PEAK1: variants seen among roughly 807,000 people sequenced by gnomAD.
PEAK1 encodes inactive tyrosine-protein kinase PEAK1.
A neutral mutation model predicts 124.7 loss-of-function variants in PEAK1; 54 were observed. That is an observed-to-expected ratio of 0.43 (90% CI 0.35 to 0.54). The LOEUF (loss-of-function observed/expected upper bound fraction) is 0.54, where lower values mean the gene tolerates loss of function less well. Ranked by LOEUF, PEAK1 falls within the 20% of genes least tolerant of loss-of-function variation. The pLI, the probability that PEAK1 is intolerant of heterozygous loss-of-function variation, is 0.01. For synonymous variants in PEAK1, 719 were observed against 760.0 expected (o/e 0.95, Z 0.89); for missense variants, 2,046 against 2,134.5 (o/e 0.96, Z 0.82).
chr15:77,212,927 C>G lies in PEAK1; in HGVS notation c.-114-30887G>C, dbSNP rs2058971801. ...TATATAAAGATCAATGTAATACCTC[C>G]TAAAGTTCAGTGTTAGCAAAAGTGA... On this transcript the variant is annotated intron_variant, in intron 6 of 9. Transcript: ENST00000682557. Among the ~76,000 whole-genome samples the G allele has an allele frequency of 2.0e-5, 3 of 152,058 alleles. No homozygotes were observed. The South Asian group carries it at 6.2e-4, about 32-fold the overall frequency.
chr15:77,163,389 T>C (rs899942462), intron 7 of PEAK1, among the ~76,000 whole-genome samples: 1 of 152,220 alleles, frequency 6.6e-6, no homozygotes, highest in Non-Finnish European at 1.5e-5. Context: ...ACAAATCCCT[T>C]GGAAGGTTGT....
intron 5 of PEAK1, among the ~76,000 whole-genome samples, chr15:77,272,032 A>G (rs1456249719): frequency 2.0e-5 from 3 of 152,212 alleles, no homozygotes; most frequent in Non-Finnish European, 2.9e-5. Context: ...GTCAAAAATG[A>G]AATCAAGATG....
chr15:77,377,587 A>G (rs2069134497), intron 1 of PEAK1, among the ~76,000 whole-genome samples: 1 of 151,770 alleles, frequency 6.6e-6, no homozygotes, highest in Non-Finnish European at 1.5e-5. Flanking sequence ...CTCCTGCCTC[A>G]GCCTTCCAAG....
intron 5 of PEAK1, among the ~76,000 whole-genome samples, chr15:77,254,292 C>T (rs528623220): frequency 6.6e-6 from 1 of 152,156 alleles, no homozygotes; most frequent in Non-Finnish European, 1.5e-5. Context: ...ATTCTCCCTT[C>T]CTCTTGGGGA....
At chr15:77,162,443 A>C (rs2055739098) in intron 7 of PEAK1, among the ~76,000 whole-genome samples, 1 of 149,434 alleles carries the variant, frequency 6.7e-6, no homozygotes, top group Admixed American at 6.7e-5. Context: ...GCAGTGAGCC[A>C]AGATTGTGCC....
At chr15:77,393,090 G>A (rs749718504) in intron 1 of PEAK1, among the ~76,000 whole-genome samples, 1 of 152,222 alleles carries the variant, frequency 6.6e-6, no homozygotes, top group Non-Finnish European at 1.5e-5. Context: ...GCCCTAGCCA[G>A]AGGAGAATTG....
At chr15:77,136,291 T>A (rs1016078211) in intron 8 of PEAK1, among the ~76,000 whole-genome samples, 1 of 152,208 alleles carries the variant, frequency 6.6e-6, no homozygotes, top group African/African-American at 2.4e-5. Flanking sequence ...CAGAAGAATT[T>A]TCTAAGCAGC....
At chr15:77,250,061 A>G (rs2060771835) in intron 6 of PEAK1, among the ~76,000 whole-genome samples, 1 of 150,898 alleles carries the variant, frequency 6.6e-6, no homozygotes, top group Admixed American at 6.6e-5. Context: ...ACCAGTGACA[A>G]GGGCACAAAA....
intron 6 of PEAK1, among the ~76,000 whole-genome samples, chr15:77,225,843 T>C (rs2059619725): frequency 6.8e-6 from 1 of 146,978 alleles, no homozygotes; most frequent in African/African-American, 2.5e-5. Context: ...AAATGGCCCC[T>C]TCACTGAGAA....
At chr15:77,320,876 T>G (rs535076020) in intron 2 of PEAK1, among the ~76,000 whole-genome samples, 1 of 152,090 alleles carries the variant, frequency 6.6e-6, no homozygotes, top group South Asian at 2.1e-4. Flanking sequence ...GTTCTCATTG[T>G]TCAATTCCCA....
At chr15:77,175,897 T>C (rs2056832221) in intron 7 of PEAK1, among the ~76,000 whole-genome samples, 1 of 152,162 alleles carries the variant, frequency 6.6e-6, no homozygotes, top group African/African-American at 2.4e-5. Context: ...ATGTGGCACA[T>C]ATACACCACA....
At chr15:77,343,943 G>A (rs1329940822) in intron 2 of PEAK1, among the ~76,000 whole-genome samples, 7 of 152,096 alleles carry the variant, frequency 4.6e-5, no homozygotes, top group Non-Finnish European at 8.8e-5. Flanking sequence ...TGTGGAATAA[G>A]GTAGGACTCC....
chr15:77,173,888 A>T (rs1051874258), intron 7 of PEAK1, among the ~76,000 whole-genome samples: 1 of 152,244 alleles, frequency 6.6e-6, no homozygotes, highest in Non-Finnish European at 1.5e-5. Context: ...AATCACTCTG[A>T]ACACATTGTT....
At chr15:77,194,260 T>C (rs1412952974) in intron 6 of PEAK1, among the ~76,000 whole-genome samples, 1 of 152,190 alleles carries the variant, frequency 6.6e-6, no homozygotes, top group African/African-American at 2.4e-5. Flanking sequence ...TGGATTTTCA[T>C]TGCTCTTTGT....
chr15:77,248,403 A>G (rs150432511), intron 6 of PEAK1, among the ~76,000 whole-genome samples: 10 of 152,372 alleles, frequency 6.6e-5, no homozygotes, highest in African/African-American at 2.2e-4. Context: ...CGTTGAATGA[A>G]TATTTGTGTC....
intron 1 of PEAK1, among the ~76,000 whole-genome samples, chr15:77,378,192 A>T (rs2069185307): frequency 7.7e-6 from 1 of 129,108 alleles, no homozygotes; most frequent in Admixed American, 8.0e-5. Context: ...ACAATATTAT[A>T]TATATATATA....
chr15:77,300,518 GTACA>G (rs764710592), intron 2 of PEAK1, among the ~76,000 whole-genome samples: 4 of 152,144 alleles, frequency 2.6e-5, no homozygotes, highest in Admixed American at 6.5e-5. Flanking sequence ...TGTGAAGATA[GTACA>G]TAGAGTTCCC....
chr15:77,347,961 C>G, intron 2 of PEAK1: 1 of 985,114 alleles, frequency 1.0e-6, no homozygotes, highest in Non-Finnish European at 1.2e-6. Flanking sequence ...CCCAAACATA[C>G]TGTATAGGTT....
intron 2 of PEAK1, among the ~76,000 whole-genome samples, chr15:77,320,565 T>C (rs2065138767): frequency 6.6e-6 from 1 of 152,198 alleles, no homozygotes; most frequent in South Asian, 2.1e-4. Context: ...TCATTGTTTT[T>C]CGTATCTGGG....
Sources: allele counts gnomAD v4.1 joint callset (sites outside exome capture counted in the v4.1 genomes callset), GRCh38; gene constraint gnomAD v4.1.1; transcripts MANE v1.5; gene names NCBI Gene and HGNC (gene_info 2026-07-23, HGNC 2026-07-21).